Variants in SLC13A5 observed in about 807,000 individuals in gnomAD.
SLC13A5 encodes Na(+)/citrate cotransporter.
A neutral mutation model predicts 56.5 loss-of-function variants in SLC13A5; 25 were observed. The ratio of observed to expected loss-of-function variants is 0.44; its 90% CI spans 0.32 to 0.62. The LOEUF (loss-of-function observed/expected upper bound fraction) is 0.62, where lower values mean the gene tolerates loss of function less well. SLC13A5 is among the 20% of genes least tolerant of loss of function. The pLI is 0.04. For synonymous variants in SLC13A5, 307 were observed against 301.5 expected (o/e 1.02, Z -0.19); for missense variants, 649 against 737.8 (o/e 0.88, Z 1.39).
intron 1 of SLC13A5, among the ~76,000 whole-genome samples, chr17:6,710,099 GAT>G (rs1268499653): frequency 6.6e-6 from 1 of 152,218 alleles, no homozygotes; most frequent in African/African-American, 2.4e-5. Context: ...ACACCAGACA[GAT>G]ATGATTGGCG....
intron 6 of SLC13A5, 89 bp from the exon 7 acceptor site, chr17:6,696,030 G>A: frequency 1.6e-6 from 2 of 1,244,306 alleles, no homozygotes; most frequent in Admixed American, 2.0e-5. Flanking sequence ...ACAGCAGAAT[G>A]TAGCAAAAAG....
chr17:6,692,996 T>C lies in SLC13A5; in HGVS notation c.1275+48A>G. 1 of 1,460,092 alleles carries C rather than the reference T, an allele frequency of 6.8e-7. No individual in the cohort carries two copies. Among genetic ancestry groups the C allele is most frequent in the Non-Finnish European group, 9.6e-7 (1 of 1,040,040 alleles). 90.4% of individuals were successfully genotyped at this position (1,460,092 alleles called of 1,614,324 possible). A position where few individuals can be genotyped will look rare whatever the true frequency, so the allele number is the denominator to read the frequency against. On this transcript the variant is annotated intron_variant, in intron 9 of 11. Transcript: ENST00000433363. The surrounding 1 kb of genome is among the most constrained non-coding windows in gnomAD (Gnocchi z 5.5). ...ATGGAAGGGTGGAGAAACGCCACCC[T>C]CTTGACGAAGAAGAGGGCTCTGGGC...
In SLC13A5 at chr17:6,711,926, G is replaced by C. The variant is rs528538583; in HGVS notation, c.102+1306C>G. On this transcript the variant is annotated intron_variant, in intron 1 of 11. Transcript: ENST00000433363. This position sits in a 1 kb window ranked among gnomAD's most constrained non-coding sequence, Gnocchi z 4.0. The stretch of plus-strand genomic sequence containing the variant: ...GTGTGGCAACTGCACAGCCTCCACA[G>C]TTGGATCTGCTGTCCTTGACCCATC... Among the ~76,000 whole-genome samples, 1 of 152,300 alleles carries C rather than the reference G, an allele frequency of 6.6e-6. No homozygotes were observed. Among genetic ancestry groups the C allele is most frequent in the South Asian group, 2.1e-4 (1 of 4,830 alleles).
intron 1 of SLC13A5, among the ~76,000 whole-genome samples, chr17:6,712,056 G>A (rs1253740344): frequency 6.6e-6 from 1 of 152,156 alleles, no homozygotes; most frequent in Non-Finnish European, 1.5e-5. Context: ...TAAAGTGTCA[G>A]AACCAAACCA....
At chr17:6,706,027 C>T (rs1037018000) in intron 3 of SLC13A5, among the ~76,000 whole-genome samples, 1 of 152,112 alleles carries the variant, frequency 6.6e-6, no homozygotes, top group African/African-American at 2.4e-5. Flanking sequence ...TGGTATCATG[C>T]CTGGGGCCTT....
At chr17:6,707,005 C>T in intron 2 of SLC13A5, 23 bp downstream of exon 2, 1 of 1,613,234 alleles carries the variant, frequency 6.2e-7, no homozygotes, top group Non-Finnish European at 8.5e-7. Context: ...AGAAAGTCAC[C>T]AGGATCCCTT....
At chr17:6,699,391 G>C (rs953981406) in intron 6 of SLC13A5, among the ~76,000 whole-genome samples, 1 of 152,194 alleles carries the variant, frequency 6.6e-6, no homozygotes, top group African/African-American at 2.4e-5. Context: ...CCATGGGCAG[G>C]ACAGAGTGGG....
Position 6,703,899 on chromosome 17 carries a change from C to T in SLC13A5, c.526G>A (p.Gly176Ser), listed in dbSNP as rs1973787933. The T allele has an allele frequency of 1.3e-6, 2 of 1,568,556 alleles. No individual in the cohort carries two copies. The highest frequency in any genetic ancestry group is 8.7e-7 in the Non-Finnish European group (1 of 1,155,410). ...TEAGLELVDK[G>S]KAKELPGSQV... Reference sequence around the variant, plus strand: ...TCACCTGGCAGCTCCTTGGCCTTGCCCTTGTCCACCAGCTCCAGGCCGGCC... The same window carrying T: ...TCACCTGGCAGCTCCTTGGCCTTGCTCTTGTCCACCAGCTCCAGGCCGGCC... The change falls in exon 4 of 12, where the codon GGC becomes AGC. Residue 176 changes from glycine to serine, a missense_variant. Transcript: ENST00000433363.
Position 6,687,121 on chromosome 17 carries a change from G to T in SLC13A5, c.1575+408C>A. The stretch of plus-strand genomic sequence containing the variant: ...CCTCTCCCTGCTTCTACCTCTTCAG[G>T]CACCCCTACAAATCTCTGTGACTGT... On this transcript the variant is annotated intron_variant, in intron 11 of 11. Coordinates refer to ENST00000433363, the MANE Select transcript of SLC13A5 (RefSeq NM_177550.5). This position sits in a 1 kb window ranked among gnomAD's most constrained non-coding sequence, Gnocchi z 5.0. 1 of 198,622 alleles carries T rather than the reference G, an allele frequency of 5.0e-6. No individual in the cohort carries two copies. The highest frequency in any genetic ancestry group is 1.0e-5 in the Non-Finnish European group (1 of 98,748). 12.3% of individuals were successfully genotyped at this position (198,622 alleles called of 1,614,324 possible). A position where few individuals can be genotyped will look rare whatever the true frequency, so the allele number is the denominator to read the frequency against.
chr17:6,702,355 A>G (rs900433709), intron 5 of SLC13A5, among the ~76,000 whole-genome samples: 17 of 152,110 alleles, frequency 1.1e-4, no homozygotes, highest in African/African-American at 3.1e-4. Context: ...TGGGGTCCTC[A>G]TGGCCTGCAT....
At position 6,692,480 on chromosome 17, in the gene SLC13A5, G is replaced by T. The variant is rs1171734575; in HGVS notation, c.1275+564C>A. ...CTCCTGGATACTTGGGTAGGTAGAT[G>T]GTTGGTTGGAGGACAGCAGCAGCAA... On this transcript the variant is annotated intron_variant, in intron 9 of 11. Coordinates refer to ENST00000433363, the MANE Select transcript of SLC13A5 (RefSeq NM_177550.5). This position sits in a 1 kb window ranked among gnomAD's most constrained non-coding sequence, Gnocchi z 5.5. 1.3e-5 allele frequency among the ~76,000 whole-genome samples: 2 copies of T among 152,210 alleles called. No individual in the cohort carries two copies. Among genetic ancestry groups the T allele is most frequent in the African/African-American group, 4.8e-5 (2 of 41,444 alleles).
In SLC13A5 at chr17:6,691,091, C is replaced by T. The variant is rs115245849; in HGVS notation, c.1276-151G>A. 2,658 of 855,494 alleles carry T rather than the reference C, an allele frequency of 3.1e-3. 43 individuals are homozygous for T. In the African/African-American group the frequency reaches 0.031, roughly 10 times the overall value. 53.0% of individuals were successfully genotyped at this position (855,494 alleles called of 1,614,324 possible). A position where few individuals can be genotyped will look rare whatever the true frequency, so the allele number is the denominator to read the frequency against. On this transcript the variant is annotated intron_variant, in intron 9 of 11. Transcript: ENST00000433363. ...CATTCCCACCATTTTCATCCCCGTCCTCACTCTGCTGTCTCCTAAATCTGT... is the reference window on the plus strand; with the variant it reads ...CATTCCCACCATTTTCATCCCCGTCTTCACTCTGCTGTCTCCTAAATCTGT...
chr17:6,697,992 A>G (rs1973604722), intron 6 of SLC13A5, among the ~76,000 whole-genome samples: 2 of 152,234 alleles, frequency 1.3e-5, no homozygotes, highest in Non-Finnish European at 2.9e-5. Flanking sequence ...CCCTGGCCTC[A>G]GGTGGGGAGG....
In SLC13A5 at chr17:6,709,534, C is replaced by G. The variant is rs144894618; in HGVS notation, c.103-2378G>C. Among the ~76,000 whole-genome samples the G allele has an allele frequency of 4.9e-3, 743 of 152,260 alleles. 5 individuals carry two copies. Among genetic ancestry groups the G allele is most frequent in the African/African-American group, 0.016 (675 of 41,556 alleles). ...CCACCTGTCTCGGCCTCCCAAAGTGCTGGGATTACAGGCATGAGCCACTGT... is the reference window on the plus strand; with the variant it reads ...CCACCTGTCTCGGCCTCCCAAAGTGGTGGGATTACAGGCATGAGCCACTGT... On this transcript the variant is annotated intron_variant, in intron 1 of 11. Coordinates refer to ENST00000433363, the MANE Select transcript of SLC13A5 (RefSeq NM_177550.5).
Position 6,692,734 on chromosome 17 carries a change from A to G in SLC13A5, c.1275+310T>C, listed in dbSNP as rs1045522628. The G allele has an allele frequency of 2.8e-6, 1 of 362,278 alleles. No homozygotes were observed. Among genetic ancestry groups the G allele is most frequent in the Non-Finnish European group, 5.1e-6 (1 of 197,298 alleles). The allele number at this position is 362,278 out of a possible 1,614,324, so 22.4% of individuals were successfully genotyped here. ...TTGGAAAGAAAGATTTCCCTCAGAC[A>G]AATCAAAGCAGAGATTATTGTGATC... On this transcript the variant is annotated intron_variant, in intron 9 of 11. Transcript: ENST00000433363. The surrounding 1 kb of genome is among the most constrained non-coding windows in gnomAD (Gnocchi z 5.5).
chr17:6,709,093 G>A (rs560561423), intron 1 of SLC13A5, among the ~76,000 whole-genome samples: 1 of 150,830 alleles, frequency 6.6e-6, no homozygotes, highest in South Asian at 2.1e-4. Context: ...TGGGCTCAAG[G>A]GATCCTTCCT....
rs778867277 is a variant in SLC13A5, at chr17:6,711,588, T to C, written c.102+1644A>G. Among the ~76,000 whole-genome samples the C allele has an allele frequency of 2.7e-5, 4 of 147,802 alleles. No individual in the cohort carries two copies. The highest frequency in any genetic ancestry group is 5.0e-5 in the African/African-American group (2 of 40,064). On this transcript the variant is annotated intron_variant, in intron 1 of 11. Coordinates refer to ENST00000433363, the MANE Select transcript of SLC13A5 (RefSeq NM_177550.5). The surrounding 1 kb of genome is among the most constrained non-coding windows in gnomAD (Gnocchi z 4.0). ...TGTTTGTGTGTCTGTGTTTGTGTGT[T>C]TGGGTGTGTGTTTGTGCGTGTGTTT...
rs1407442874 is a variant in SLC13A5 at position 6,713,180 on chromosome 17, A to G, written c.102+52T>C. ...AGGGCTCCCGGGATCGGTGCCCGTT[A>G]GTGGGCACAGGACGCCGGGTGTCCG... is the stretch of plus-strand genomic sequence containing the variant. On this transcript the variant is annotated intron_variant, in intron 1 of 11. Coordinates refer to ENST00000433363, the MANE Select transcript of SLC13A5 (RefSeq NM_177550.5). This position sits in a 1 kb window ranked among gnomAD's most constrained non-coding sequence, Gnocchi z 7.3. The G allele has an allele frequency of 6.4e-7, 1 of 1,565,870 alleles. No homozygotes were observed. Among genetic ancestry groups the G allele is most frequent in the Non-Finnish European group, 8.8e-7 (1 of 1,141,562 alleles).
chr17:6,693,452 G>A (rs945228259), intron 8 of SLC13A5: 1 of 253,614 alleles, frequency 3.9e-6, no homozygotes. Context: ...GGGCCATTAA[G>A]ACTTTGTATT....
Sources: gnomAD v4.1 joint callset for allele counts (sites outside exome capture counted in the v4.1 genomes callset) on GRCh38, gnomAD v4.1.1 for gene constraint, Gnocchi (gnomAD v3.1) non-coding constraint, MANE v1.5 for transcripts, NCBI Gene and HGNC (gene_info 2026-07-23, HGNC 2026-07-21) for gene names.